The following TRAPPC9 variants were observed in gnomAD, a reference collection of about 807,000 sequenced individuals.
The protein encoded by TRAPPC9 is IKK2 binding protein.
A neutral mutation model predicts 124.0 loss-of-function variants in TRAPPC9; 83 were observed. That is an observed-to-expected ratio of 0.67 (90% CI 0.56 to 0.80). TRAPPC9 has a LOEUF of 0.80. Among genes scored for constraint, TRAPPC9 ranks in the 30% least tolerant of loss-of-function variants. TRAPPC9 has a pLI of 0.00. For missense variants in TRAPPC9, 1,302 were observed against 1,508.3 expected (o/e 0.86, Z 2.27); for synonymous variants, 638 against 617.5 (o/e 1.03, Z -0.49).
intron 14 of TRAPPC9, among the ~76,000 whole-genome samples, chr8:140,283,537 T>C (rs1280988996): frequency 6.6e-6 from 1 of 151,460 alleles, no homozygotes. Flanking sequence ...GACCTTGTGA[T>C]CCACCCGCCT....
chr8:140,261,989 G>A (rs115423817), intron 15 of TRAPPC9, among the ~76,000 whole-genome samples: 205 of 152,216 alleles, frequency 1.3e-3, no homozygotes, highest in African/African-American at 4.6e-3. Flanking sequence ...GAGTACTCCC[G>A]TAAAACAGGT....
chr8:140,394,643 C>T (rs1483633368), intron 7 of TRAPPC9, among the ~76,000 whole-genome samples: 1 of 151,332 alleles, frequency 6.6e-6, no homozygotes, highest in African/African-American at 2.4e-5. Context: ...TTATGCAAGA[C>T]CTGTGACAGG....
intron 17 of TRAPPC9, among the ~76,000 whole-genome samples, chr8:140,046,337 G>A (rs578046018): frequency 2.8e-4 from 42 of 152,294 alleles, no homozygotes; most frequent in Non-Finnish European, 5.4e-4. Flanking sequence ...AAGGCAAGGA[G>A]CCCAGTGTGG....
At chr8:139,756,951 A>G (rs1205211913) in intron 21 of TRAPPC9, among the ~76,000 whole-genome samples, 5 of 134,238 alleles carry the variant, frequency 3.7e-5, no homozygotes, top group South Asian at 2.6e-4. Flanking sequence ...GGGTATAAGG[A>G]CAGCAGGTCG....
chr8:140,034,205 C>G (rs1840734269), intron 17 of TRAPPC9, among the ~76,000 whole-genome samples: 1 of 152,176 alleles, frequency 6.6e-6, no homozygotes, highest in South Asian at 2.1e-4. Context: ...TAAATGCTTG[C>G]TAAGTAGAAT....
chr8:140,160,609 C>T (rs1174296333), intron 17 of TRAPPC9, among the ~76,000 whole-genome samples: 1 of 142,762 alleles, frequency 7.0e-6, no homozygotes, highest in Non-Finnish European at 1.5e-5. Flanking sequence ...AAGACATGGA[C>T]ACAGGAAGGG....
intron 21 of TRAPPC9, among the ~76,000 whole-genome samples, chr8:139,774,663 C>T (rs1398894912): frequency 6.6e-6 from 1 of 152,150 alleles, no homozygotes; most frequent in African/African-American, 2.4e-5. Context: ...AGCAGGTGCT[C>T]CACAACATTT....
intron 17 of TRAPPC9, among the ~76,000 whole-genome samples, chr8:140,045,144 A>T (rs989181918): frequency 1.3e-5 from 2 of 152,172 alleles, no homozygotes; most frequent in African/African-American, 2.4e-5. Flanking sequence ...AAGGAGAAGG[A>T]GGTGAGGAGT....
intron 4 of TRAPPC9, among the ~76,000 whole-genome samples, chr8:140,432,244 C>T (rs1229524274): frequency 6.6e-6 from 1 of 152,034 alleles, no homozygotes; most frequent in Admixed American, 6.6e-5. Flanking sequence ...AAGAAATGAT[C>T]AACAGGGCTT....
intron 19 of TRAPPC9, among the ~76,000 whole-genome samples, chr8:139,978,866 G>C (rs1046043336): frequency 6.6e-6 from 1 of 151,866 alleles, no homozygotes; most frequent in African/African-American, 2.4e-5. Context: ...GTGGAGCTGG[G>C]ATCGCAACGC....
At chr8:140,017,019 T>C (rs1839511867) in intron 18 of TRAPPC9, among the ~76,000 whole-genome samples, 1 of 152,220 alleles carries the variant, frequency 6.6e-6, no homozygotes, top group Non-Finnish European at 1.5e-5. Flanking sequence ...GGGGTTTTAA[T>C]TCGCATTTCT....
Position 140,269,959 on chromosome 8 carries a change from G to A in TRAPPC9, c.2278+5699C>T, listed in dbSNP as rs549982440. 2.0e-5 allele frequency among the ~76,000 whole-genome samples: 3 copies of A among 152,242 alleles called. No individual in the cohort carries two copies. The East Asian group carries it at 5.8e-4, about 29-fold the overall frequency. ...ACTAAAAATACAAAAAATTAGCCAG[G>A]CATGGTGGCAGGCACCTGTAATCCC... On this transcript the variant is annotated intron_variant, in intron 15 of 22. Transcript: ENST00000438773.
intron 17 of TRAPPC9, among the ~76,000 whole-genome samples, chr8:140,201,234 G>A (rs574362972): frequency 2.0e-4 from 30 of 152,274 alleles, no homozygotes; most frequent in African/African-American, 6.7e-4. Context: ...AGAAACCTGC[G>A]GGTCCAGCCA....
chr8:140,096,210 A>C (rs556966074), intron 17 of TRAPPC9: 1 of 152,374 alleles, frequency 6.6e-6, no homozygotes, highest in East Asian at 1.9e-4. Context: ...TTCAATAGCT[A>C]AAATACACAG....
At chr8:139,921,044 C>A (rs528343284) in intron 19 of TRAPPC9, among the ~76,000 whole-genome samples, 1 of 152,200 alleles carries the variant, frequency 6.6e-6, no homozygotes, top group Non-Finnish European at 1.5e-5. Context: ...GGCCACCCTG[C>A]CAAGCAAGCG....
chr8:140,397,766 G>A (rs2069138720), intron 6 of TRAPPC9, 21 bp from the exon 7 acceptor site: 7 of 1,613,446 alleles, frequency 4.3e-6, no homozygotes, highest in Non-Finnish European at 5.9e-6. Context: ...TAAAGGAAAT[G>A]CCTCAGTCAA....
At position 139,771,581 on chromosome 8, in the gene TRAPPC9, C is replaced by G. The variant is rs1451555277; in HGVS notation, c.3056-39379G>C. 2.6e-5 allele frequency among the ~76,000 whole-genome samples: 4 copies of G among 152,136 alleles called. No homozygotes were observed. In the South Asian group the frequency reaches 8.3e-4, roughly 31 times the overall value. ...CTGAGCTCTGGCCAGGTCATGGAAGCGTAGGACAGTGCAGCCAGGAGGACC... is the reference window on the plus strand; with the variant it reads ...CTGAGCTCTGGCCAGGTCATGGAAGGGTAGGACAGTGCAGCCAGGAGGACC... On this transcript the variant is annotated intron_variant, in intron 21 of 22. Transcript: ENST00000438773.
chr8:139,754,317 A>G (rs377301344), intron 21 of TRAPPC9, among the ~76,000 whole-genome samples: 21 of 152,212 alleles, frequency 1.4e-4, no homozygotes, highest in African/African-American at 4.6e-4. Flanking sequence ...GACATCACCA[A>G]GAACTAGTCA....
At chr8:140,322,251 C>T (rs2066615417) in intron 9 of TRAPPC9, among the ~76,000 whole-genome samples, 1 of 152,100 alleles carries the variant, frequency 6.6e-6, no homozygotes, top group Non-Finnish European at 1.5e-5. Context: ...TGTGCCCAGA[C>T]CCCAAGCCAA....
Sources: allele counts gnomAD v4.1 joint callset (sites outside exome capture counted in the v4.1 genomes callset), GRCh38; gene constraint gnomAD v4.1.1; transcripts MANE v1.5; gene names NCBI Gene and HGNC (gene_info 2026-07-23, HGNC 2026-07-21).